Variants in PGAM5 observed in about 807,000 individuals in gnomAD.
PGAM5 encodes serine/threonine-protein phosphatase PGAM5, mitochondrial.
PGAM5 carries 25 observed loss-of-function variants against 30.6 expected under a neutral mutation model. That is an observed-to-expected ratio of 0.82 (90% CI 0.60 to 1.14). The LOEUF is 1.14. PGAM5 is among the 50% of genes most tolerant of loss of function. The pLI is 0.00. For synonymous variants in PGAM5, 201 were observed against 179.1 expected (o/e 1.12, Z -0.98); for missense variants, 384 against 408.5 (o/e 0.94, Z 0.52).
chr12:132,718,377 C>T (rs962255657), intron 5 of PGAM5, among the ~76,000 whole-genome samples: 4 of 95,134 alleles, frequency 4.2e-5, no homozygotes, highest in Admixed American at 1.0e-4. Flanking sequence ...GGGTGGGGTG[C>T]GTGCTGGGTG....
chr12:132,718,631 T>TG (rs1475714942), intron 5 of PGAM5: 1 of 758,834 alleles, frequency 1.3e-6, no homozygotes, highest in African/African-American at 3.3e-5. Flanking sequence ...GCGTGCTGGG[T>TG]GGGGGGTCCT....
chr12:132,711,190 C>A, intron 1 of PGAM5, 123 bp downstream of exon 1: 1 of 777,298 alleles, frequency 1.3e-6, no homozygotes, highest in Non-Finnish European at 1.7e-6. Flanking sequence ...TCGCCGTCTG[C>A]TTTCCCCAGC....
At chr12:132,717,966 G>A (rs763126658) in intron 4 of PGAM5, 21 bp from the exon 5 acceptor site, 12 of 1,612,242 alleles carry the variant, frequency 7.4e-6, no homozygotes, top group Admixed American at 3.3e-5. Flanking sequence ...CCGCACTGAC[G>A]GCTCCTCACT....
Position 132,717,751 on chromosome 12 carries a change from C to T in PGAM5, c.538C>T (p.Pro180Ser). The change falls in exon 4 of 6, where the codon CCC (proline) becomes TCC (serine). Residue 180 changes from proline to serine, a missense_variant. Physicochemically the swap from Pro to Ser is moderately conservative, Grantham distance 74 (BLOSUM62 -1). Coordinates refer to ENST00000498926, the MANE Select transcript of PGAM5 (RefSeq NM_001170543.2). ...VSTDLLREGA[P>S]IEPDPPVSHW... ...CACAGATCTGCTGCGGGAAGGCGCC[C>T]CCATCGAGCCAGACCCGCCCGTGTC... The T allele has an allele frequency of 1.3e-6, 2 of 1,585,790 alleles. No individual in the cohort carries two copies. Among genetic ancestry groups the T allele is most frequent in the Non-Finnish European group, 1.7e-6 (2 of 1,166,450 alleles).
intron 5 of PGAM5, among the ~76,000 whole-genome samples, chr12:132,720,171 C>T (rs967859146): frequency 7.1e-5 from 9 of 127,122 alleles, no homozygotes; most frequent in African/African-American, 2.5e-4. Context: ...AAGACAGGAG[C>T]GGCTCGGCTG....
rs1450683879 is a variant in PGAM5, at chr12:132,714,895, A to G, written c.229A>G (p.Asn77Asp). Residue 77 changes from asparagine (N) to aspartate (D), a missense_variant, in exon 2 of 6, where the codon AAC (asparagine) becomes GAC (aspartate). By Grantham distance (23) the Asn-to-Asp change is conservative. Coordinates refer to ENST00000498926, the MANE Select transcript of PGAM5 (RefSeq NM_001170543.2). ...GTCTCTGATCAACGTGCGGAAGAGG[A>G]ACGTGGAATCTGGGGAAGAAGAGCT... ...PLSLINVRKR[N>D]VESGEEELAS... The G allele has an allele frequency of 6.2e-7, 1 of 1,613,636 alleles. No individual in the cohort carries two copies. Among genetic ancestry groups the G allele is most frequent in the Non-Finnish European group, 8.5e-7 (1 of 1,179,992 alleles).
chr12:132,718,750 T>C lies in PGAM5; in HGVS notation c.719+630T>C, dbSNP rs779175545. 63 of 1,613,314 alleles carry C rather than the reference T, an allele frequency of 3.9e-5. No homozygotes were observed. In the South Asian group the frequency reaches 6.8e-4, roughly 17 times the overall value. On this transcript the variant is annotated intron_variant, in intron 5 of 5. Transcript: ENST00000498926. Reference sequence around the variant, plus strand: ...CAACCACCTTCTGCCTCCGGCTGGATCCCACTGGCAGCATCCCGCCGCTGT... The same window carrying C: ...CAACCACCTTCTGCCTCCGGCTGGACCCCACTGGCAGCATCCCGCCGCTGT...
chr12:132,717,257 C>T (rs56741533), intron 2 of PGAM5, among the ~76,000 whole-genome samples, 182 bp from the exon 3 acceptor site: 1 of 142,750 alleles, frequency 7.0e-6, no homozygotes, highest in Non-Finnish European at 1.5e-5. Flanking sequence ...GAGCCATCGG[C>T]TGAGCTTGCT....
At position 132,721,376 on chromosome 12, in the gene PGAM5, G is replaced by C. The variant is rs1320646688; in HGVS notation, c.*548G>C. On this transcript the variant is annotated 3_prime_UTR_variant, in exon 6 of 6. Transcript: ENST00000498926. ...AGGCCAGGGTGGGAGGATCACTTGA[G>C]CTCAGGAGTTCAAGACCAGCCTGGA... 2 of 152,384 alleles carry C rather than the reference G, an allele frequency of 1.3e-5. No individual in the cohort carries two copies. The highest frequency in any genetic ancestry group is 4.8e-5 in the African/African-American group (2 of 41,456). 9.4% of individuals were successfully genotyped at this position (152,384 alleles called of 1,614,324 possible). A position where few individuals can be genotyped will look rare whatever the true frequency, so the allele number is the denominator to read the frequency against.
intron 1 of PGAM5, among the ~76,000 whole-genome samples, chr12:132,712,245 T>C (rs941901385): frequency 6.6e-6 from 1 of 152,204 alleles, no homozygotes; most frequent in African/African-American, 2.4e-5. Flanking sequence ...TCCTCAGCTT[T>C]TACCTGCTGT....
rs757437835 is a variant in PGAM5 at position 132,717,522 on chromosome 12, C to T, written c.454C>T (p.Arg152Cys). 1.1e-5 allele frequency: 17 copies of T among 1,610,810 alleles called. No homozygotes were observed. The highest frequency in any genetic ancestry group is 5.3e-5 in the African/African-American group (4 of 74,898). Residue 152 changes from arginine to cysteine, a missense_variant, in exon 3 of 6, where the codon CGC (arginine) becomes TGC (cysteine). Physicochemically the swap from Arg to Cys is radical, Grantham distance 180 (BLOSUM62 -3). Transcript: ENST00000498926. ...FNKIVHSSMT[R>C]AIETTDIISR... ...TAAAATCGTCCATTCGTCTATGACGCGCGCCATAGAGACCACCGATATCAT... is the reference window on the plus strand; with the variant it reads ...TAAAATCGTCCATTCGTCTATGACGTGCGCCATAGAGACCACCGATATCAT...
chr12:132,714,952 G>A lies in PGAM5; in HGVS notation c.286G>A (p.Ala96Thr), dbSNP rs770347547. The stretch of plus-strand genomic sequence containing the variant: ...CAAGCTGGACCACTACAAAGCCAAG[G>A]CCACGCGGCACATCTTCCTCATCAG... The part of the protein sequence containing the change: ...ASKLDHYKAK[A>T]TRHIFLIRHS... Residue 96 changes from alanine (A) to threonine (T), a missense_variant, in exon 2 of 6, where the codon GCC becomes ACC. By Grantham distance (58) the Ala-to-Thr change is moderately conservative. Coordinates refer to ENST00000498926, the MANE Select transcript of PGAM5 (RefSeq NM_001170543.2). The A allele has an allele frequency of 3.7e-6, 6 of 1,613,590 alleles. No individual in the cohort carries two copies. In the East Asian group the frequency reaches 1.3e-4, roughly 36 times the overall value.
chr12:132,720,330 C>T (rs534740499), intron 5 of PGAM5, among the ~76,000 whole-genome samples: 236 of 141,136 alleles, frequency 1.7e-3, no homozygotes, highest in Admixed American at 2.4e-3. Flanking sequence ...TTTTTTTAGA[C>T]AGAATCTCGC....
chr12:132,717,188 T>C (rs2043586348), intron 2 of PGAM5, among the ~76,000 whole-genome samples: 1 of 152,134 alleles, frequency 6.6e-6, no homozygotes. Context: ...TGTTTTTTCC[T>C]GTATGGGGGT....
chr12:132,715,345 T>C (rs1270379542), intron 2 of PGAM5, among the ~76,000 whole-genome samples: 1 of 150,774 alleles, frequency 6.6e-6, no homozygotes, highest in Non-Finnish European at 1.5e-5. Context: ...CCGAGGCAGG[T>C]GGATTACCTG....
chr12:132,711,200 C>T (rs2043518417), intron 1 of PGAM5, 133 bp downstream of exon 1: 2 of 698,130 alleles, frequency 2.9e-6, no homozygotes, highest in Non-Finnish European at 3.8e-6. Context: ...CTTTCCCCAG[C>T]GGAGGAGCCG....
intron 2 of PGAM5, among the ~76,000 whole-genome samples, chr12:132,716,635 C>T (rs1430889166): frequency 6.6e-6 from 1 of 152,224 alleles, no homozygotes; most frequent in Non-Finnish European, 1.5e-5. Context: ...AGGGTCCTTC[C>T]ACCTTGTCCT....
rs2043649632 is a variant in PGAM5, at chr12:132,721,994, A to C, written c.*1166A>C. The C allele has an allele frequency of 6.6e-6, 1 of 152,108 alleles. No individual in the cohort carries two copies. The highest frequency in any genetic ancestry group is 2.1e-4 in the South Asian group (1 of 4,824). 9.4% of individuals were successfully genotyped at this position (152,108 alleles called of 1,614,324 possible). A position where few individuals can be genotyped will look rare whatever the true frequency, so the allele number is the denominator to read the frequency against. On this transcript the variant is annotated 3_prime_UTR_variant, in exon 6 of 6. Coordinates refer to ENST00000498926, the MANE Select transcript of PGAM5 (RefSeq NM_001170543.2). ...TCCTGATGATGTTGGGTCTGAACTC[A>C]CCAACTTGATTAGGTCTTTAGGGGC...
At chr12:132,720,456 T>C (rs1475522423) in intron 5 of PGAM5, among the ~76,000 whole-genome samples, 14 of 152,084 alleles carry the variant, frequency 9.2e-5, no homozygotes, top group Non-Finnish European at 1.8e-4. Context: ...TACAGGTGCC[T>C]GCTATCACGC....
Sources: allele counts gnomAD v4.1 joint callset (sites outside exome capture counted in the v4.1 genomes callset), GRCh38; gene constraint gnomAD v4.1.1; transcripts MANE v1.5; gene names NCBI Gene and HGNC (gene_info 2026-07-23, HGNC 2026-07-21).